The following ARHGAP31 variants were observed in gnomAD, a reference collection of about 807,000 sequenced individuals.
The protein encoded by ARHGAP31 is Rho GTPase activating protein 31.
ARHGAP31 carries 34 observed loss-of-function variants against 113.9 expected under a neutral mutation model. The observed-to-expected ratio is 0.30, with a 90% CI of 0.23 to 0.40. ARHGAP31 has a LOEUF of 0.40. Among genes scored for constraint, ARHGAP31 ranks in the 10% least tolerant of loss-of-function variants. ARHGAP31 has a pLI of 1.00. For missense variants in ARHGAP31, 1,548 were observed against 1,767.1 expected (o/e 0.88, Z 2.22); for synonymous variants, 650 against 684.8 (o/e 0.95, Z 0.79).
At chr3:119,376,069 AG>A (rs1290108684) in intron 3 of ARHGAP31, among the ~76,000 whole-genome samples, 1 of 151,866 alleles carries the variant, frequency 6.6e-6, no homozygotes, top group African/African-American at 2.4e-5. Flanking sequence ...AAGCTTCCCG[AG>A]GACAGGAACT....
At chr3:119,398,409 C>T (rs901469332) in intron 8 of ARHGAP31, among the ~76,000 whole-genome samples, 1 of 152,164 alleles carries the variant, frequency 6.6e-6, no homozygotes, top group African/African-American at 2.4e-5. Context: ...TAGTCCTGGG[C>T]CTCCTGCTTC....
At chr3:119,393,059 T>G (rs1032375788) in intron 7 of ARHGAP31, among the ~76,000 whole-genome samples, 2 of 152,172 alleles carry the variant, frequency 1.3e-5, no homozygotes, top group Non-Finnish European at 2.9e-5. Flanking sequence ...CTGGGCAAGA[T>G]AGTGAGACCC....
intron 1 of ARHGAP31, among the ~76,000 whole-genome samples, chr3:119,313,361 GCTTT>G (rs2107598487): frequency 6.6e-6 from 1 of 152,134 alleles, no homozygotes; most frequent in Admixed American, 6.5e-5. Flanking sequence ...TGTGTATGAA[GCTTT>G]CTCTTTTTAC....
At chr3:119,323,793 C>G (rs1559966803) in intron 1 of ARHGAP31, among the ~76,000 whole-genome samples, 1 of 152,198 alleles carries the variant, frequency 6.6e-6, no homozygotes, top group South Asian at 2.1e-4. Flanking sequence ...GAAAATGTTT[C>G]TATAACTTTT....
Position 119,380,928 on chromosome 3 carries a change from G to A in ARHGAP31, c.373G>A (p.Glu125Lys). The change falls in exon 4 of 12, where the codon GAA (glutamate) becomes AAA (lysine). Residue 125 changes from glutamate to lysine, a missense_variant. Physicochemically the swap from Glu to Lys is moderately conservative, Grantham distance 56. Transcript: ENST00000264245. ...GGAGGCAGTGTCGCATTGCCCTGAA[G>A]AAGGCCAACTGGCCCGAATCCAAAA... ...FTEAVSHCPE[E>K]GQLARIQNVI... is the part of the protein sequence containing the mutation. 6.2e-7 allele frequency: 1 copy of A among 1,614,164 alleles called. No individual in the cohort carries two copies. The highest frequency in any genetic ancestry group is 8.5e-7 in the Non-Finnish European group (1 of 1,180,008).
At chr3:119,337,101 G>C (rs891736406) in intron 1 of ARHGAP31, among the ~76,000 whole-genome samples, 1 of 152,200 alleles carries the variant, frequency 6.6e-6, no homozygotes, top group Non-Finnish European at 1.5e-5. Context: ...GTGAATAATG[G>C]TGCTGTGTCC....
chr3:119,393,227 A>C (rs909591690), intron 7 of ARHGAP31, among the ~76,000 whole-genome samples: 26 of 152,026 alleles, frequency 1.7e-4, no homozygotes, highest in African/African-American at 6.3e-4. Flanking sequence ...TTAATAGCAC[A>C]CCTTTACCTC....
chr3:119,383,958 C>T (rs1466911120), intron 6 of ARHGAP31, among the ~76,000 whole-genome samples: 1 of 152,210 alleles, frequency 6.6e-6, no homozygotes, highest in Non-Finnish European at 1.5e-5. Flanking sequence ...TACTGGACAT[C>T]ATCCCCAGAG....
intron 4 of ARHGAP31, among the ~76,000 whole-genome samples, chr3:119,381,830 CA>C (rs771563044): frequency 6.6e-6 from 1 of 152,004 alleles, no homozygotes; most frequent in Non-Finnish European, 1.5e-5. Flanking sequence ...ACCAAAAATA[CA>C]AAAAATTAGC....
At chr3:119,390,737 T>A (rs188830691) in intron 6 of ARHGAP31, 48 bp from the exon 7 acceptor site, 1 of 1,578,070 alleles carries the variant, frequency 6.3e-7, no homozygotes, top group East Asian at 2.2e-5. Context: ...TGGATGGATG[T>A]GATGGGCAGG....
intron 11 of ARHGAP31, among the ~76,000 whole-genome samples, chr3:119,410,590 A>C (rs2080707023): frequency 6.6e-6 from 1 of 152,208 alleles, no homozygotes; most frequent in Admixed American, 6.5e-5. Context: ...AAGGGGAAAG[A>C]TGAAGAGATT....
intron 1 of ARHGAP31, among the ~76,000 whole-genome samples, chr3:119,297,607 G>A (rs1296607455): frequency 6.6e-6 from 1 of 152,240 alleles, no homozygotes; most frequent in Non-Finnish European, 1.5e-5. Flanking sequence ...GGGAAGGAAA[G>A]CCTTGAGTTG....
At chr3:119,344,635 GTTTGT>G (rs1051922076) in intron 1 of ARHGAP31, among the ~76,000 whole-genome samples, 17 of 152,122 alleles carry the variant, frequency 1.1e-4, no homozygotes, top group African/African-American at 4.1e-4. Flanking sequence ...CTATGTTTTG[GTTTGT>G]TTTATTTGTT....
At chr3:119,311,177 G>A (rs1279574520) in intron 1 of ARHGAP31, among the ~76,000 whole-genome samples, 2 of 152,172 alleles carry the variant, frequency 1.3e-5, no homozygotes, top group East Asian at 1.9e-4. Context: ...ACTTCCAACC[G>A]CTGTCATAAT....
At chr3:119,363,242 T>A (rs2080225776) in intron 1 of ARHGAP31, among the ~76,000 whole-genome samples, 2 of 152,164 alleles carry the variant, frequency 1.3e-5, no homozygotes, top group Non-Finnish European at 1.5e-5. Flanking sequence ...ACTTTAAGTA[T>A]CATTGGAACT....
intron 1 of ARHGAP31, among the ~76,000 whole-genome samples, chr3:119,296,367 G>A (rs1342717751): frequency 6.6e-6 from 1 of 152,204 alleles, no homozygotes; most frequent in Non-Finnish European, 1.5e-5. Context: ...ATCTGGAGAG[G>A]TAGATTTGAG....
At position 119,409,504 on chromosome 3, in the gene ARHGAP31, C is replaced by G. The variant is rs370183659; in HGVS notation, c.1654C>G (p.Pro552Ala). The change falls in exon 11 of 12, where the codon CCT becomes GCT. Residue 552 changes from proline to alanine, a missense_variant. Transcript: ENST00000264245. ...LGAETSAASV[P>A]KKAGLEDAKA... The stretch of plus-strand genomic sequence containing the variant: ...TCTCATTTTCACTGCAGCTTCTGTA[C>G]CTAAGAAGGCAGGTCTTGAGGATGC... 1.1e-5 allele frequency: 17 copies of G among 1,614,038 alleles called. No homozygotes were observed. The Admixed American group carries it at 2.7e-4, about 25-fold the overall frequency.
At chr3:119,349,492 G>A (rs75256696) in intron 1 of ARHGAP31, among the ~76,000 whole-genome samples, 2,307 of 152,330 alleles carry the variant, frequency 0.015, 61 homozygotes, top group African/African-American at 0.052. Context: ...TGCAAAGGCA[G>A]AAGGGGTGTT....
rs1005791396 is a variant in ARHGAP31 at position 119,365,559 on chromosome 3, T to G, written c.203+141T>G. On this transcript the variant is annotated intron_variant, in intron 2 of 11. Coordinates refer to ENST00000264245, the MANE Select transcript of ARHGAP31 (RefSeq NM_020754.4). ...GCACCGAAGATCAGATGCAGTGGTT[T>G]TCAGATGCCTGACTGTTCTTAATCT... is the stretch of plus-strand genomic sequence containing the variant. 2.5e-5 allele frequency: 19 copies of G among 753,048 alleles called. No homozygotes were observed. In the African/African-American group the frequency reaches 2.9e-4, roughly 12 times the overall value. The allele number at this position is 753,048 out of a possible 1,614,324, so 46.6% of individuals were successfully genotyped here.
Sources: allele counts gnomAD v4.1 joint callset (sites outside exome capture counted in the v4.1 genomes callset), GRCh38; gene constraint gnomAD v4.1.1; transcripts MANE v1.5; gene names NCBI Gene and HGNC (gene_info 2026-07-23, HGNC 2026-07-21).